The following GALNT7 variants were observed in gnomAD, a reference collection of about 807,000 sequenced individuals.
GALNT7 encodes polypeptide N-acetylgalactosaminyltransferase 7, also known as N-acetylgalactosaminyltransferase 7.
Under a neutral mutation model 82.1 loss-of-function variants are expected in GALNT7, and 60 were observed. The observed-to-expected ratio is 0.73, with a 90% CI of 0.59 to 0.91. The LOEUF (loss-of-function observed/expected upper bound fraction) is 0.91, where lower values mean the gene tolerates loss of function less well. Among genes scored for constraint, GALNT7 ranks in the 40% least tolerant of loss-of-function variants. The pLI is 0.00. For synonymous variants in GALNT7, 243 were observed against 275.1 expected, an observed-to-expected ratio of 0.88 and a Z score of 1.15; for missense variants, 660 against 804.2, an observed-to-expected ratio of 0.82 and a Z score of 2.17.
chr4:173,306,157 G>T (rs945995874), intron 8 of GALNT7, among the ~76,000 whole-genome samples: 3 of 151,870 alleles, frequency 2.0e-5, no homozygotes, highest in African/African-American at 4.8e-5. Context: ...AAATCGGATT[G>T]TTTTCTTAGT....
At chr4:173,170,173 C>T (rs999580035) in intron 1 of GALNT7, among the ~76,000 whole-genome samples, 1 of 152,168 alleles carries the variant, frequency 6.6e-6, no homozygotes, top group South Asian at 2.1e-4. Flanking sequence ...TCCTCCTCCC[C>T]GCTGGGACAG....
intron 1 of GALNT7, among the ~76,000 whole-genome samples, chr4:173,212,062 C>T (rs1165976556): frequency 6.6e-6 from 1 of 152,140 alleles, no homozygotes. Context: ...CTCTTTCTTT[C>T]ACATGGTGCT....
At chr4:173,276,862 T>C (rs1047348814) in intron 2 of GALNT7, among the ~76,000 whole-genome samples, 4 of 152,234 alleles carry the variant, frequency 2.6e-5, no homozygotes, top group Non-Finnish European at 5.9e-5. Context: ...CAGCTTCTTG[T>C]TTGGTGAGCA....
intron 1 of GALNT7, among the ~76,000 whole-genome samples, chr4:173,207,705 T>C (rs557014456): frequency 6.6e-6 from 1 of 152,312 alleles, no homozygotes; most frequent in South Asian, 2.1e-4. Flanking sequence ...ACTAAGTTGC[T>C]CTCCCTACTG....
intron 1 of GALNT7, among the ~76,000 whole-genome samples, chr4:173,178,658 T>C (rs1173535901): frequency 6.6e-6 from 1 of 152,208 alleles, no homozygotes; most frequent in African/African-American, 2.4e-5. Context: ...TTCACTTCAC[T>C]GAATACAAGA....
intron 2 of GALNT7, among the ~76,000 whole-genome samples, chr4:173,268,587 G>C (rs554999314): frequency 4.5e-5 from 6 of 133,402 alleles, no homozygotes; most frequent in Non-Finnish European, 7.7e-5. Flanking sequence ...TAGCCCAGGC[G>C]TGGCGCCATC....
At chr4:173,195,554 A>G (rs983150957) in intron 1 of GALNT7, among the ~76,000 whole-genome samples, 1 of 152,230 alleles carries the variant, frequency 6.6e-6, no homozygotes, top group Non-Finnish European at 1.5e-5. Flanking sequence ...CTAGTTGCCA[A>G]TAATACCTGA....
chr4:173,209,211 C>T (rs955723108), intron 1 of GALNT7, among the ~76,000 whole-genome samples: 4 of 152,166 alleles, frequency 2.6e-5, no homozygotes, highest in African/African-American at 4.8e-5. Flanking sequence ...CACCATCCCC[C>T]GACATCATTG....
At chr4:173,277,228 A>G (rs147155555) in intron 2 of GALNT7, among the ~76,000 whole-genome samples, 1 of 152,312 alleles carries the variant, frequency 6.6e-6, no homozygotes, top group East Asian at 1.9e-4. Context: ...GGTGCGAGCT[A>G]CTAGTTGAAA....
intron 2 of GALNT7, among the ~76,000 whole-genome samples, chr4:173,256,404 C>T (rs752678622): frequency 5.9e-5 from 9 of 152,160 alleles, no homozygotes; most frequent in African/African-American, 7.2e-5. Flanking sequence ...GACTGTCATA[C>T]GAAATGCAAA....
chr4:173,307,492 G>C (rs559742045), intron 8 of GALNT7, among the ~76,000 whole-genome samples: 1 of 152,346 alleles, frequency 6.6e-6, no homozygotes, highest in Admixed American at 6.5e-5. Context: ...CTGAGCTGGT[G>C]CTTGGGACAT....
chr4:173,255,163 A>T (rs1734992589), intron 2 of GALNT7, among the ~76,000 whole-genome samples: 1 of 152,196 alleles, frequency 6.6e-6, no homozygotes, highest in Non-Finnish European at 1.5e-5. Context: ...AAATCAAGGT[A>T]ACTTGTTTCT....
At chr4:173,244,059 C>T (rs1041150715) in intron 1 of GALNT7, among the ~76,000 whole-genome samples, 1 of 152,100 alleles carries the variant, frequency 6.6e-6, no homozygotes, top group Admixed American at 6.6e-5. Context: ...AGTGCAGGGA[C>T]TAGGGAACCA....
chr4:173,201,488 G>A (rs971290136), intron 1 of GALNT7, among the ~76,000 whole-genome samples: 1 of 152,132 alleles, frequency 6.6e-6, no homozygotes, highest in South Asian at 2.1e-4. Flanking sequence ...CTTTGAAAGG[G>A]TTCACAGCTA....
chr4:173,268,352 C>T (rs947132269), intron 2 of GALNT7: 7 of 151,968 alleles, frequency 4.6e-5, no homozygotes, highest in Non-Finnish European at 1.0e-4. Flanking sequence ...AAGCTTGTCT[C>T]ACGTGGATTT....
In GALNT7 at chr4:173,252,439, C is replaced by T. The variant is rs368842173; in HGVS notation, c.587+3999C>T. 5.3e-5 allele frequency among the ~76,000 whole-genome samples: 8 copies of T among 152,312 alleles called. No homozygotes were observed. In the East Asian group the frequency reaches 1.5e-3, roughly 29 times the overall value. On this transcript the variant is annotated intron_variant, in intron 2 of 11. Transcript: ENST00000265000. Reference sequence around the variant, plus strand: ...CATCTGACACTGTGGTTAGCTTGTTCGTTCTTGCGGCTGTTGTGTAGTCTT... The same window carrying T: ...CATCTGACACTGTGGTTAGCTTGTTTGTTCTTGCGGCTGTTGTGTAGTCTT...
At chr4:173,304,269 A>C in intron 8 of GALNT7, 151 bp downstream of exon 8, 1 of 605,678 alleles carries the variant, frequency 1.7e-6, no homozygotes, top group East Asian at 3.2e-5. Flanking sequence ...TATTCACGAA[A>C]TATCTTATTG....
At chr4:173,227,487 A>G (rs1406103860) in intron 1 of GALNT7, among the ~76,000 whole-genome samples, 1 of 152,060 alleles carries the variant, frequency 6.6e-6, no homozygotes, top group Non-Finnish European at 1.5e-5. Flanking sequence ...ACCCACGACC[A>G]CACCTGGCTA....
chr4:173,279,043 T>C (rs1736014393), intron 2 of GALNT7, among the ~76,000 whole-genome samples: 1 of 152,188 alleles, frequency 6.6e-6, no homozygotes, highest in Non-Finnish European at 1.5e-5. Context: ...CTCAGTCTAT[T>C]GATTCTGATA....
Sources: allele counts gnomAD v4.1 joint callset (sites outside exome capture counted in the v4.1 genomes callset), GRCh38; gene constraint gnomAD v4.1.1; transcripts MANE v1.5; gene names NCBI Gene and HGNC (gene_info 2026-07-23, HGNC 2026-07-21).